The following KCNB2 variants were observed in gnomAD, a reference collection of about 807,000 sequenced individuals.
KCNB2 encodes the protein delayed rectifier potassium channel protein.
A neutral mutation model predicts 61.5 loss-of-function variants in KCNB2; 15 were observed. That is an observed-to-expected ratio of 0.24 (90% CI 0.16 to 0.38). The LOEUF (loss-of-function observed/expected upper bound fraction) is 0.38, where lower values mean the gene tolerates loss of function less well. Ranked by LOEUF, KCNB2 falls within the 10% of genes least tolerant of loss-of-function variation. The pLI is 1.00. For missense variants in KCNB2, 828 were observed against 1,125.2 expected (o/e 0.74, Z 3.78); for synonymous variants, 457 against 446.0 (o/e 1.02, Z -0.31).
intron 1 of KCNB2, among the ~76,000 whole-genome samples, chr8:72,564,052 A>G (rs1806585577): frequency 6.6e-6 from 1 of 152,214 alleles, no homozygotes; most frequent in African/African-American, 2.4e-5. Flanking sequence ...GGGACTTGTA[A>G]TCAACACTGG....
intron 2 of KCNB2, among the ~76,000 whole-genome samples, chr8:72,925,364 G>A (rs1806620069): frequency 6.6e-6 from 1 of 152,194 alleles, no homozygotes. Context: ...TCAGGGGACA[G>A]CTAGTATAAA....
At chr8:72,722,792 A>G (rs1209738355) in intron 2 of KCNB2, among the ~76,000 whole-genome samples, 1 of 115,140 alleles carries the variant, frequency 8.7e-6, no homozygotes, top group Non-Finnish European at 2.1e-5. Context: ...GACAAAATCA[A>G]CTACATTAAA....
intron 2 of KCNB2, chr8:72,619,466 A>G: frequency 3.6e-6 from 1 of 274,366 alleles, no homozygotes. Context: ...TCTAATTCGT[A>G]GGTTCACCTC....
chr8:72,803,954 G>C (rs535089365), intron 2 of KCNB2, among the ~76,000 whole-genome samples: 1 of 152,202 alleles, frequency 6.6e-6, no homozygotes. Context: ...CACTTTACAA[G>C]GGTAGCAGAA....
chr8:72,729,244 G>A (rs1379975288), intron 2 of KCNB2, among the ~76,000 whole-genome samples: 1 of 152,186 alleles, frequency 6.6e-6, no homozygotes, highest in Non-Finnish European at 1.5e-5. Context: ...CATTGACTTT[G>A]CATATTGTTC....
chr8:72,937,272 G>T lies in KCNB2; in HGVS notation c.1917G>T (p.Gly639=), dbSNP rs200472384. 5.1e-5 allele frequency: 82 copies of T among 1,613,988 alleles called. No homozygotes were observed. In the Admixed American group the frequency reaches 1.1e-3, roughly 22 times the overall value. ...TGAAGTTCCCAACCGACCTCCCAGG[G>T]ACAGAAGAGCACCAAAGAGCTAGGG... The part of the protein sequence containing the change: ...LQMKFPTDLP[G]TEEHQRARGP... The change falls in exon 3 of 3, where the codon GGG becomes GGT. Residue 639 remains glycine, a synonymous_variant. Transcript: ENST00000523207.
At chr8:72,826,355 G>T (rs1809596059) in intron 2 of KCNB2, among the ~76,000 whole-genome samples, 1 of 152,164 alleles carries the variant, frequency 6.6e-6, no homozygotes. Context: ...CTACATGTTG[G>T]TGTTTTGCAT....
chr8:72,937,319 C>A lies in KCNB2; in HGVS notation c.1964C>A (p.Ser655Tyr), dbSNP rs763662008. Residue 655 changes from serine (S) to tyrosine (Y), a missense_variant, in exon 3 of 3, where the codon TCC (serine) becomes TAC (tyrosine). Physicochemically the swap from Ser to Tyr is moderately radical, Grantham distance 144 (BLOSUM62 -2). Around this residue, in one of 4 missense-constraint regions of KCNB2, gnomAD observed 559 missense variants for 588.4 expected, o/e 0.95. Coordinates refer to ENST00000523207, the MANE Select transcript of KCNB2 (RefSeq NM_004770.3). ...AGGGGCCCCCCGTTTCTAACTCTATCCAGAGAGAAAGGACCTGCTGCCAGG... is the reference window on the plus strand; with the variant it reads ...AGGGGCCCCCCGTTTCTAACTCTATACAGAGAGAAAGGACCTGCTGCCAGG... Reference protein sequence around the residue: ...RARGPPFLTLSREKGPAARDG... With the variant: ...RARGPPFLTLYREKGPAARDG... The A allele has an allele frequency of 6.2e-7, 1 of 1,614,026 alleles. No homozygotes were observed. Among genetic ancestry groups the A allele is most frequent in the Admixed American group, 1.7e-5 (1 of 60,018 alleles).
At chr8:72,777,800 CAT>C (rs1220527853) in intron 2 of KCNB2, among the ~76,000 whole-genome samples, 208 of 152,220 alleles carry the variant, frequency 1.4e-3, no homozygotes, top group African/African-American at 4.8e-3. Context: ...AGACAAGAAA[CAT>C]ATATATCACT....
At chr8:72,645,850 A>G (rs1344268479) in intron 2 of KCNB2, among the ~76,000 whole-genome samples, 1 of 152,194 alleles carries the variant, frequency 6.6e-6, no homozygotes, top group African/African-American at 2.4e-5. Context: ...TTAGTAAATG[A>G]CAGATGGTAT....
chr8:72,637,278 A>C lies in KCNB2; in HGVS notation c.579+68965A>C, dbSNP rs1805981243. Among the ~76,000 whole-genome samples, 4 of 152,194 alleles carry C rather than the reference A, an allele frequency of 2.6e-5. No individual in the cohort carries two copies. The South Asian group carries it at 8.3e-4, about 31-fold the overall frequency. The stretch of plus-strand genomic sequence containing the variant: ...CACAAAGAACAGTTCTACTCTTAAA[A>C]AACCTGTATTTTACAGTGGCCTGGT... On this transcript the variant is annotated intron_variant, in intron 2 of 2. Coordinates refer to ENST00000523207, the MANE Select transcript of KCNB2 (RefSeq NM_004770.3).
chr8:72,755,012 A>C (rs1416459236), intron 2 of KCNB2, among the ~76,000 whole-genome samples: 1 of 152,182 alleles, frequency 6.6e-6, no homozygotes, highest in Non-Finnish European at 1.5e-5. Context: ...CAGTTGGTAG[A>C]AGATACTCTT....
intron 2 of KCNB2, among the ~76,000 whole-genome samples, chr8:72,773,513 T>C (rs918087064): frequency 3.9e-5 from 6 of 152,328 alleles, no homozygotes; most frequent in South Asian, 2.1e-4. Context: ...ATAGATTACA[T>C]TAGGCTGGCT....
chr8:72,901,941 G>A (rs913604646), intron 2 of KCNB2, among the ~76,000 whole-genome samples: 2 of 152,146 alleles, frequency 1.3e-5, no homozygotes, highest in African/African-American at 4.8e-5. Context: ...GAGGAGATAG[G>A]TTTGAGCTGA....
chr8:72,672,748 G>A (rs977985177), intron 2 of KCNB2, among the ~76,000 whole-genome samples: 2 of 151,896 alleles, frequency 1.3e-5, no homozygotes, highest in Non-Finnish European at 2.9e-5. Flanking sequence ...TCAAACTCAA[G>A]TGCAATCTTC....
intron 2 of KCNB2, among the ~76,000 whole-genome samples, chr8:72,737,350 T>G (rs1175997714): frequency 6.6e-6 from 1 of 152,206 alleles, no homozygotes; most frequent in African/African-American, 2.4e-5. Context: ...TTGGGCAAAA[T>G]TGATAGCCTG....
intron 2 of KCNB2, among the ~76,000 whole-genome samples, chr8:72,696,381 A>C (rs557765943): frequency 6.6e-6 from 1 of 152,286 alleles, no homozygotes; most frequent in East Asian, 1.9e-4. Flanking sequence ...AATTAAGGAA[A>C]ACATTAATCT....
At chr8:72,823,134 T>C (rs1585913316) in intron 2 of KCNB2, among the ~76,000 whole-genome samples, 1 of 152,190 alleles carries the variant, frequency 6.6e-6, no homozygotes, top group Non-Finnish European at 1.5e-5. Flanking sequence ...TCATCTCTGC[T>C]TTTATCAACA....
chr8:72,834,549 C>T (rs1174371735), intron 2 of KCNB2, among the ~76,000 whole-genome samples: 1 of 152,084 alleles, frequency 6.6e-6, no homozygotes, highest in Non-Finnish European at 1.5e-5. Flanking sequence ...GGAACCAAAC[C>T]AAAATTCCTT....
Sources: gnomAD v4.1 joint callset for allele counts (sites outside exome capture counted in the v4.1 genomes callset) on GRCh38, gnomAD v4.1.1 for gene constraint, gnomAD v4.1.1 regional missense constraint, MANE v1.5 for transcripts, NCBI Gene and HGNC (gene_info 2026-07-23, HGNC 2026-07-21) for gene names.